Variants in KYNU observed in about 807,000 individuals in gnomAD.
The protein encoded by KYNU is kynureninase.
A neutral mutation model predicts 59.2 loss-of-function variants in KYNU; 54 were observed. The observed-to-expected ratio is 0.91, with a 90% CI of 0.73 to 1.14. The LOEUF (loss-of-function observed/expected upper bound fraction) is 1.14. KYNU is among the 50% of genes most tolerant of loss of function. The pLI, the probability that KYNU is intolerant of heterozygous loss-of-function variation, is 0.00. For missense variants in KYNU, 567 were observed against 554.4 expected (o/e 1.02, Z -0.23); for synonymous variants, 177 against 192.0 (o/e 0.92, Z 0.65).
intron 4 of KYNU, 37 bp downstream of exon 4, chr2:142,927,778 G>A (rs1166407404): frequency 3.7e-6 from 5 of 1,333,912 alleles, no homozygotes; most frequent in African/African-American, 1.4e-5. Flanking sequence ...CAAATGAATT[G>A]TAAAGATGTT....
chr2:143,020,430 A>G (rs1686371399), intron 10 of KYNU, among the ~76,000 whole-genome samples: 1 of 152,082 alleles, frequency 6.6e-6, no homozygotes, highest in Admixed American at 6.6e-5. Context: ...ATGTATTTGT[A>G]CAGTTTCCAA....
chr2:142,904,759 A>G (rs1412974348), intron 2 of KYNU, among the ~76,000 whole-genome samples: 1 of 152,150 alleles, frequency 6.6e-6, no homozygotes, highest in Non-Finnish European at 1.5e-5. Flanking sequence ...GCTTAGTTCT[A>G]CAGTGTTCTC....
In KYNU at chr2:143,039,816, C is replaced by T. The variant is rs139541013; in HGVS notation, c.1042-612C>T. ...TACTTAATCTAAATGGGTCCAGGTG[C>T]TGGAGTGATTACCCTTATCTTGTCT... is the stretch of plus-strand genomic sequence containing the variant. On this transcript the variant is annotated intron_variant, in intron 12 of 13. Transcript: ENST00000264170. Among the ~76,000 whole-genome samples the T allele has an allele frequency of 1.7e-3, 260 of 152,230 alleles. 2 individuals carry two copies. The highest frequency in any genetic ancestry group is 6.0e-3 in the South Asian group (29 of 4,832).
chr2:142,940,886 A>G (rs183900349), intron 4 of KYNU, among the ~76,000 whole-genome samples: 4 of 152,252 alleles, frequency 2.6e-5, no homozygotes, highest in East Asian at 1.9e-4. Context: ...TCAGAACTTT[A>G]CTTTCACTTT....
At chr2:142,926,762 A>C (rs888255547) in intron 3 of KYNU, among the ~76,000 whole-genome samples, 1 of 152,216 alleles carries the variant, frequency 6.6e-6, no homozygotes, top group African/African-American at 2.4e-5. Context: ...CTAACCAACA[A>C]GGTGACAGCA....
chr2:142,882,674 G>A (rs1393288740), intron 1 of KYNU, among the ~76,000 whole-genome samples: 6 of 152,100 alleles, frequency 3.9e-5, no homozygotes, highest in Non-Finnish European at 7.4e-5. Context: ...CTTTTTTATG[G>A]CTGCATAGTA....
At chr2:142,996,293 C>T (rs1164546381) in intron 10 of KYNU, among the ~76,000 whole-genome samples, 1 of 151,974 alleles carries the variant, frequency 6.6e-6, no homozygotes, top group Non-Finnish European at 1.5e-5. Context: ...TTGGAACAAT[C>T]AAAAGGAAAA....
At chr2:143,021,841 T>C (rs549173982) in intron 10 of KYNU, among the ~76,000 whole-genome samples, 1 of 152,316 alleles carries the variant, frequency 6.6e-6, no homozygotes, top group East Asian at 1.9e-4. Flanking sequence ...GAGATCATAT[T>C]AAATTTGTGC....
In KYNU at chr2:142,960,722, T is replaced by C. The variant is rs749842493; in HGVS notation, c.681T>C (p.Thr227=). The part of the protein sequence containing the change: ...VILFSGVHFY[T]GQHFNIPAIT... ...TGTTCAGTGGGGTGCATTTTTACACTGGACAGCACTTTAATATTCCTGCCA... is the reference window on the plus strand; with the variant it reads ...TGTTCAGTGGGGTGCATTTTTACACCGGACAGCACTTTAATATTCCTGCCA... The change falls in exon 8 of 14, where the codon ACT becomes ACC. Residue 227 remains threonine (T), a synonymous_variant. Coordinates refer to ENST00000264170, the MANE Select transcript of KYNU (RefSeq NM_003937.3). 10 of 1,613,936 alleles carry C rather than the reference T, an allele frequency of 6.2e-6. No homozygotes were observed. The East Asian group carries it at 1.1e-4, about 18-fold the overall frequency.
chr2:142,976,942 G>T (rs979865340), intron 8 of KYNU, among the ~76,000 whole-genome samples: 1 of 152,128 alleles, frequency 6.6e-6, no homozygotes, highest in Non-Finnish European at 1.5e-5. Context: ...TTTGGTAACT[G>T]GTTGAAAGAG....
intron 2 of KYNU, among the ~76,000 whole-genome samples, chr2:142,901,644 G>A (rs959587931): frequency 1.2e-4 from 18 of 152,058 alleles, no homozygotes; most frequent in African/African-American, 3.6e-4. Context: ...CTGTGTGGGC[G>A]TAGAGGACTA....
chr2:142,880,307 T>A (rs937396589), intron 1 of KYNU, among the ~76,000 whole-genome samples: 2 of 152,196 alleles, frequency 1.3e-5, no homozygotes, highest in African/African-American at 4.8e-5. Context: ...ATTTTAGGAA[T>A]AGCCAAGAAG....
chr2:142,962,176 C>A (rs534819972), intron 8 of KYNU, among the ~76,000 whole-genome samples: 1 of 152,304 alleles, frequency 6.6e-6, no homozygotes, highest in South Asian at 2.1e-4. Flanking sequence ...CCTTAGTATA[C>A]ACGTATGTCT....
intron 4 of KYNU, among the ~76,000 whole-genome samples, chr2:142,928,023 GTAT>G (rs952920640): frequency 6.6e-6 from 1 of 151,922 alleles, no homozygotes; most frequent in African/African-American, 2.4e-5. Flanking sequence ...CACATACATT[GTAT>G]TAATTTATAA....
intron 10 of KYNU, among the ~76,000 whole-genome samples, chr2:143,001,721 T>C (rs1255237543): frequency 1.3e-5 from 2 of 152,228 alleles, no homozygotes; most frequent in Non-Finnish European, 2.9e-5. Flanking sequence ...GGACATTGGC[T>C]TAACTAGCTG....
At chr2:142,911,171 G>T (rs1166346810) in intron 2 of KYNU, among the ~76,000 whole-genome samples, 1 of 152,138 alleles carries the variant, frequency 6.6e-6, no homozygotes, top group Non-Finnish European at 1.5e-5. Context: ...TGGTTTTCAT[G>T]ATATTGATTC....
intron 10 of KYNU, among the ~76,000 whole-genome samples, chr2:143,024,404 G>GCTGA (rs2105221640): frequency 6.6e-6 from 1 of 152,052 alleles, no homozygotes; most frequent in East Asian, 1.9e-4. Flanking sequence ...TCATCTCTTG[G>GCTGA]CTGACTTAAG....
chr2:142,960,539 G>A lies in KYNU; in HGVS notation c.583-85G>A, dbSNP rs910743947. Reference sequence around the variant, plus strand: ...AAAAACTATTTTATAATGCAAAAGGGCTCACGGTGAAATTTAGATCGGCAA... The same window carrying A: ...AAAAACTATTTTATAATGCAAAAGGACTCACGGTGAAATTTAGATCGGCAA... On this transcript the variant is annotated intron_variant, in intron 7 of 13. Transcript: ENST00000264170. The A allele has an allele frequency of 2.3e-6, 3 of 1,283,128 alleles. No individual in the cohort carries two copies. In the African/African-American group the frequency reaches 4.5e-5, roughly 19 times the overall value. 79.5% of individuals were successfully genotyped at this position (1,283,128 alleles called of 1,614,324 possible).
chr2:142,895,108 A>T (rs981878044), intron 2 of KYNU, among the ~76,000 whole-genome samples: 1 of 152,220 alleles, frequency 6.6e-6, no homozygotes, highest in East Asian at 1.9e-4. Context: ...TAACTTGTTC[A>T]TCAGGAGAGT....
Sources: allele counts gnomAD v4.1 joint callset (sites outside exome capture counted in the v4.1 genomes callset), GRCh38; gene constraint gnomAD v4.1.1; transcripts MANE v1.5; gene names NCBI Gene and HGNC (gene_info 2026-07-23, HGNC 2026-07-21).